The following SPECC1 variants were observed in gnomAD, a reference collection of about 807,000 sequenced individuals.
SPECC1 encodes the protein sperm antigen with calponin homology and coiled-coil domains 1.
Under a neutral mutation model 104.1 loss-of-function variants are expected in SPECC1, and 62 were observed. That is an observed-to-expected ratio of 0.60 (90% confidence interval 0.49 to 0.74). The LOEUF (loss-of-function observed/expected upper bound fraction) is 0.74. Ranked by LOEUF, SPECC1 falls within the 30% of genes least tolerant of loss-of-function variation. SPECC1 has a pLI of 0.00. For synonymous variants in SPECC1, 513 were observed against 501.6 expected (o/e 1.02, Z -0.30); for missense variants, 1,306 against 1,310.5 (o/e 1.00, Z 0.05).
chr17:20,222,023 T>G (rs891639406), intron 4 of SPECC1, among the ~76,000 whole-genome samples: 2 of 151,914 alleles, frequency 1.3e-5, no homozygotes, highest in Middle Eastern at 3.4e-3. Context: ...TCAGTTTTTT[T>G]TTTTTTTTTT....
At chr17:20,313,142 A>T (rs1157386609) in intron 14 of SPECC1, among the ~76,000 whole-genome samples, 1 of 152,228 alleles carries the variant, frequency 6.6e-6, no homozygotes, top group Non-Finnish European at 1.5e-5. Context: ...CCTGGATGTT[A>T]TGCATGCTCA....
intron 3 of SPECC1, among the ~76,000 whole-genome samples, chr17:20,160,696 G>A (rs1465749984): frequency 1.3e-5 from 2 of 151,876 alleles, no homozygotes; most frequent in Non-Finnish European, 2.9e-5. Context: ...CCACCCATTA[G>A]TCTGTCTTAT....
intron 12 of SPECC1, among the ~76,000 whole-genome samples, chr17:20,279,838 G>C (rs998807283): frequency 6.6e-6 from 1 of 152,200 alleles, no homozygotes; most frequent in Non-Finnish European, 1.5e-5. Context: ...GAACTAGGAT[G>C]GGGGTTGGGA....
At chr17:20,085,019 G>C (rs1387476093) in intron 1 of SPECC1, among the ~76,000 whole-genome samples, 3 of 152,256 alleles carry the variant, frequency 2.0e-5, no homozygotes, top group African/African-American at 7.2e-5. Context: ...AGGTTTACCA[G>C]ACAGTAGAGG....
intron 12 of SPECC1, among the ~76,000 whole-genome samples, chr17:20,283,859 G>T (rs538538764): frequency 6.6e-6 from 1 of 152,226 alleles, no homozygotes; most frequent in Non-Finnish European, 1.5e-5. Context: ...AAAGTGCTAG[G>T]ATTATAGGCA....
rs558998645 is a variant in SPECC1 at position 20,042,763 on chromosome 17, T to C, written c.-22+33339T>C. On this transcript the variant is annotated intron_variant, in intron 1 of 14. Transcript: ENST00000395527. ...TTTCAATCTGTGCCCCTTGGTGTTT[T>C]GAAGTTGCCTGCTGCTTCAGCTCCA... 9.0e-4 allele frequency among the ~76,000 whole-genome samples: 137 copies of C among 152,286 alleles called. 1 individual carries two copies. The highest frequency in any genetic ancestry group is 1.5e-3 in the Non-Finnish European group (101 of 68,014).
chr17:20,078,717 TTATGTTAAAAATTG>T (rs972455257), intron 1 of SPECC1, among the ~76,000 whole-genome samples: 23 of 152,184 alleles, frequency 1.5e-4, no homozygotes. Context: ...ACAAACATAT[TTATGTTAAAAATTG>T]TATGTTAAAA....
chr17:20,233,102 A>G (rs1346480126), intron 7 of SPECC1, among the ~76,000 whole-genome samples: 1 of 152,242 alleles, frequency 6.6e-6, no homozygotes, highest in Admixed American at 6.5e-5. Flanking sequence ...ACAAATTTAT[A>G]AACAGCATTT....
chr17:20,107,870 G>A (rs912344329), intron 2 of SPECC1, among the ~76,000 whole-genome samples: 10 of 152,152 alleles, frequency 6.6e-5, no homozygotes, highest in Middle Eastern at 3.4e-3. Flanking sequence ...AATTAGCCAG[G>A]CATAGTGTTG....
At chr17:20,220,451 C>A (rs548321599) in intron 4 of SPECC1, among the ~76,000 whole-genome samples, 2 of 151,760 alleles carry the variant, frequency 1.3e-5, no homozygotes, top group Non-Finnish European at 2.9e-5. Context: ...GGATTACTTT[C>A]TTGATTCCTT....
At chr17:20,188,075 T>C (rs2035398279) in intron 3 of SPECC1, among the ~76,000 whole-genome samples, 1 of 152,154 alleles carries the variant, frequency 6.6e-6, no homozygotes, top group Admixed American at 6.5e-5. Flanking sequence ...GGCTGTCTAG[T>C]GGTGGGTTTC....
intron 3 of SPECC1, among the ~76,000 whole-genome samples, chr17:20,117,739 T>C (rs979470145): frequency 6.8e-6 from 1 of 146,280 alleles, no homozygotes; most frequent in Non-Finnish European, 1.5e-5. Flanking sequence ...AAAAATAATA[T>C]AATAGAAATA....
At chr17:20,082,747 A>G (rs2047023218) in intron 1 of SPECC1, among the ~76,000 whole-genome samples, 1 of 152,024 alleles carries the variant, frequency 6.6e-6, no homozygotes, top group Non-Finnish European at 1.5e-5. Flanking sequence ...CTTAATTACC[A>G]CTTGAAAGAC....
intron 1 of SPECC1, among the ~76,000 whole-genome samples, chr17:20,051,129 T>TTTCTTTCTTTCC (rs1298156583): frequency 1.0e-5 from 1 of 97,742 alleles, no homozygotes; most frequent in African/African-American, 4.4e-5. Flanking sequence ...TCTTTCTTTC[T>TTTCTTTCTTTCC]TTCTTTCTTT....
In SPECC1 at chr17:20,232,416, T is replaced by G. The variant is rs2038650709; in HGVS notation, c.2351+11T>G. The stretch of plus-strand genomic sequence containing the variant: ...CAGAGCCGCCCCTCCGTGAGTCTGG[T>G]GGGCACCAGGGCCGTGCTTGCTTCT... On this transcript the variant is annotated intron_variant, in intron 7 of 14. Coordinates refer to ENST00000395527, the MANE Select transcript of SPECC1 (RefSeq NM_001243439.2). 1 of 1,598,656 alleles carries G rather than the reference T, an allele frequency of 6.3e-7. No homozygotes were observed. The highest frequency in any genetic ancestry group is 2.3e-5 in the East Asian group (1 of 44,336).
intron 1 of SPECC1, among the ~76,000 whole-genome samples, chr17:20,078,179 A>G (rs991427517): frequency 6.6e-6 from 1 of 150,562 alleles, no homozygotes; most frequent in Non-Finnish European, 1.5e-5. Flanking sequence ...CTTGGGAGAC[A>G]GGAAAGGTTG....
intron 1 of SPECC1, among the ~76,000 whole-genome samples, chr17:20,042,762 T>A (rs894732027): frequency 2.6e-5 from 4 of 152,162 alleles, no homozygotes; most frequent in Admixed American, 6.5e-5. Context: ...CCTTGGTGTT[T>A]TGAAGTTGCC....
At chr17:20,112,922 T>A (rs534670965) in intron 3 of SPECC1, 12 of 1,512,266 alleles carry the variant, frequency 7.9e-6, no homozygotes, top group Non-Finnish European at 1.1e-5. Context: ...CCTGAGAGGG[T>A]CCAACATGAA....
intron 3 of SPECC1, among the ~76,000 whole-genome samples, chr17:20,173,940 T>C (rs2034279677): frequency 1.4e-5 from 2 of 140,298 alleles, no homozygotes; most frequent in East Asian, 2.2e-4. Flanking sequence ...TTTTTTTTTT[T>C]GTTTTTGTGG....
Sources: allele counts gnomAD v4.1 joint callset (sites outside exome capture counted in the v4.1 genomes callset), GRCh38; gene constraint gnomAD v4.1.1; transcripts MANE v1.5; gene names NCBI Gene and HGNC (gene_info 2026-07-23, HGNC 2026-07-21).